PDE1A: variants seen among roughly 807,000 people sequenced by gnomAD.
PDE1A encodes the protein phosphodiesterase 1A.
A neutral mutation model predicts 61.7 loss-of-function variants in PDE1A; 35 were observed. That is an observed-to-expected ratio of 0.57 (90% CI 0.43 to 0.75). The LOEUF is 0.75. PDE1A is among the 30% of genes least tolerant of loss of function. The pLI, the probability that PDE1A is intolerant of heterozygous loss-of-function variation, is 0.00. For synonymous variants in PDE1A, 232 were observed against 213.2 expected (o/e 1.09, Z -0.77); for missense variants, 597 against 630.6 (o/e 0.95, Z 0.57).
At chr2:182,161,478 C>A (rs774908259) in intron 13 of PDE1A, among the ~76,000 whole-genome samples, 4 of 152,256 alleles carry the variant, frequency 2.6e-5, no homozygotes, top group Non-Finnish European at 5.9e-5. Flanking sequence ...CCTCCAGAGG[C>A]AGTGGCACCC....
At chr2:182,670,960 G>A in the PDE1A span, among the ~76,000 whole-genome samples, 2 of 151,912 alleles carry the variant, frequency 1.3e-5, no homozygotes, top group Non-Finnish European at 2.9e-5. Flanking sequence ...TGGTTTTACA[G>A]GCGTACACCA....
At chr2:182,546,534 A>C in the PDE1A span, among the ~76,000 whole-genome samples, 1 of 152,182 alleles carries the variant, frequency 6.6e-6, no homozygotes, top group Non-Finnish European at 1.5e-5. Context: ...AGCATTTGAA[A>C]GCCACGTGGA....
chr2:182,222,075 C>T (rs1001102126), intron 7 of PDE1A, among the ~76,000 whole-genome samples: 1 of 151,704 alleles, frequency 6.6e-6, no homozygotes, highest in African/African-American at 2.4e-5. Flanking sequence ...ATGAACTGAC[C>T]ACACAAGAGC....
chr2:182,182,501 C>T (rs1559148119), intron 13 of PDE1A, among the ~76,000 whole-genome samples: 1 of 152,114 alleles, frequency 6.6e-6, no homozygotes. Flanking sequence ...CTCCTTGTTT[C>T]TATTTTTACT....
chr2:182,441,203 A>G (rs1247265212), intron 2 of PDE1A, among the ~76,000 whole-genome samples: 1 of 152,022 alleles, frequency 6.6e-6, no homozygotes, highest in Non-Finnish European at 1.5e-5. Flanking sequence ...GTATGGGTGA[A>G]ACCACCCCCA....
At chr2:182,540,384 A>AAGCAGC in the PDE1A span, among the ~76,000 whole-genome samples, 3 of 77,520 alleles carry the variant, frequency 3.9e-5, no homozygotes, top group South Asian at 4.6e-4. Context: ...AAAAAAAAAA[A>AAGCAGC]AGCAGCAGCA....
chr2:182,602,550 C>T, the PDE1A span, among the ~76,000 whole-genome samples: 1 of 152,316 alleles, frequency 6.6e-6, no homozygotes, highest in South Asian at 2.1e-4. Context: ...GGTGGTTTCT[C>T]ATGAAGCAAA....
At chr2:182,423,017 G>A (rs527677550) in intron 1 of PDE1A, among the ~76,000 whole-genome samples, 3 of 152,294 alleles carry the variant, frequency 2.0e-5, no homozygotes, top group Middle Eastern at 3.4e-3. Context: ...TGAGCTGGAA[G>A]AGCCTGTGCA....
chr2:182,653,226 A>T, the PDE1A span, among the ~76,000 whole-genome samples: 1 of 152,150 alleles, frequency 6.6e-6, no homozygotes, highest in African/African-American at 2.4e-5. Context: ...AAAGGAAAAC[A>T]TGAATTCCAT....
chr2:182,426,817 G>C, exon 1 of PDE1A: 1 of 1,415,522 alleles, frequency 7.1e-7, no homozygotes, highest in Non-Finnish European at 9.2e-7. Context: ...TGTCCATAGA[G>C]GCCACATAAG....
At chr2:182,186,103 C>A (rs766131862) in intron 12 of PDE1A, 24 bp from the exon 13 acceptor site, 37 of 1,601,850 alleles carry the variant, frequency 2.3e-5, no homozygotes, top group Admixed American at 1.2e-4. Flanking sequence ...CCAAAGAAAC[C>A]AAAAAACACC....
the PDE1A span, among the ~76,000 whole-genome samples, chr2:182,592,442 T>C: frequency 6.6e-6 from 1 of 152,228 alleles, no homozygotes; most frequent in Non-Finnish European, 1.5e-5. Flanking sequence ...TAGATTCCTA[T>C]ATCCACATGG....
intron 2 of PDE1A, among the ~76,000 whole-genome samples, chr2:182,516,167 G>A (rs1193906402): frequency 3.3e-5 from 5 of 152,134 alleles, no homozygotes; most frequent in Admixed American, 2.0e-4. Context: ...ATTTCACTGA[G>A]TTCTAGTATC....
chr2:182,602,225 G>A, the PDE1A span, among the ~76,000 whole-genome samples: 5 of 152,210 alleles, frequency 3.3e-5, no homozygotes, highest in African/African-American at 4.8e-5. Flanking sequence ...CTGCAGCCAC[G>A]GCTTGGGCAG....
At chr2:182,426,523 G>A in intron 1 of PDE1A, 55 bp downstream of exon 1, 1 of 1,203,316 alleles carries the variant, frequency 8.3e-7, no homozygotes, top group South Asian at 1.2e-5. Flanking sequence ...AGGATGAAGG[G>A]AGAAACTATT....
the PDE1A span, among the ~76,000 whole-genome samples, chr2:182,619,074 T>TG: frequency 6.6e-6 from 1 of 151,454 alleles, no homozygotes; most frequent in Non-Finnish European, 1.5e-5. Flanking sequence ...GGGGCAGGGT[T>TG]GGAAGATACT....
the PDE1A span, among the ~76,000 whole-genome samples, chr2:182,631,400 C>A: frequency 6.6e-6 from 1 of 152,142 alleles, no homozygotes; most frequent in Non-Finnish European, 1.5e-5. Context: ...TACTGGTGCA[C>A]TGCACCCACT....
chr2:182,386,112 G>T (rs1483271975), intron 1 of PDE1A, among the ~76,000 whole-genome samples: 1 of 152,226 alleles, frequency 6.6e-6, no homozygotes, highest in East Asian at 1.9e-4. Context: ...CTCCTGAGGT[G>T]CCGGGATTGC....
intron 2 of PDE1A, among the ~76,000 whole-genome samples, chr2:182,516,793 AAGAG>A (rs1377018823): frequency 1.5e-5 from 2 of 133,080 alleles, no homozygotes. Flanking sequence ...AAAAGAAAGA[AAGAG>A]AGAAAGGAAG....
Sources: gnomAD v4.1 joint callset for allele counts (sites outside exome capture counted in the v4.1 genomes callset) on GRCh38, gnomAD v4.1.1 for gene constraint, MANE v1.5 for transcripts, NCBI Gene and HGNC (gene_info 2026-07-23, HGNC 2026-07-21) for gene names.